ANGPT2: variants seen among roughly 807,000 people sequenced by gnomAD.
ANGPT2 encodes angiopoietin-2.
In ANGPT2, 28 loss-of-function variants were observed where a neutral mutation model predicts 62.9. The ratio of observed to expected loss-of-function variants is 0.44; its 90% CI spans 0.33 to 0.61. The LOEUF (loss-of-function observed/expected upper bound fraction) is 0.61, where lower values mean the gene tolerates loss of function less well. Among genes scored for constraint, ANGPT2 ranks in the 20% least tolerant of loss-of-function variants. The pLI, the probability that ANGPT2 is intolerant of heterozygous loss-of-function variation, is 0.03. For synonymous variants in ANGPT2, 284 were observed against 207.8 expected (o/e 1.37, Z -3.15); for missense variants, 727 against 594.9 (o/e 1.22, Z -2.31).
intron 1 of ANGPT2, among the ~76,000 whole-genome samples, chr8:6,542,560 C>A (rs2515486): frequency 0.18 from 27,930 of 151,670 alleles, 2,694 homozygotes; most frequent in East Asian, 0.27. Context: ...CACCCCATCC[C>A]GCACTCTCAT....
At chr8:6,522,066 T>C (rs1033459921) in intron 3 of ANGPT2, among the ~76,000 whole-genome samples, 12 of 152,238 alleles carry the variant, frequency 7.9e-5, no homozygotes, top group African/African-American at 2.6e-4. Flanking sequence ...TTTTAAAATG[T>C]AAATGCTGGC....
intron 1 of ANGPT2, among the ~76,000 whole-genome samples, chr8:6,546,556 T>C (rs766290647): frequency 6.6e-6 from 1 of 152,130 alleles, no homozygotes; most frequent in Non-Finnish European, 1.5e-5. Flanking sequence ...TAAAACTCAA[T>C]TTATATGTAT....
rs1234898317 is a variant in ANGPT2 at position 6,500,085 on chromosome 8, AT to A, written c.*3015del. ...AGAACTTAACACCTTTTATCAATTT[AT>A]TCGCGAGAACAAATGTGAGAACGTG... On this transcript the variant is annotated 3_prime_UTR_variant, in exon 9 of 9. Coordinates refer to ENST00000629816, the MANE Select transcript of ANGPT2 (RefSeq NM_001118887.2). The A allele has an allele frequency of 7.3e-6, 5 of 682,900 alleles. No individual in the cohort carries two copies. The highest frequency in any genetic ancestry group is 1.3e-5 in the Non-Finnish European group (5 of 382,374). 42.3% of individuals were successfully genotyped at this position (682,900 alleles called of 1,614,324 possible).
chr8:6,503,219 A>G lies in ANGPT2; in HGVS notation c.1370T>C (p.Met457Thr). 1 of 1,614,130 alleles carries G rather than the reference A, an allele frequency of 6.2e-7. No individual in the cohort carries two copies. The highest frequency in any genetic ancestry group is 8.5e-7 in the Non-Finnish European group (1 of 1,180,022). Residue 457 changes from methionine to threonine, a missense_variant, in exon 9 of 9, where the codon ATG becomes ACG. Coordinates refer to ENST00000629816, the MANE Select transcript of ANGPT2 (RefSeq NM_001118887.2). Reference protein sequence around the residue: ...DACGPSNLNGMYYPQRQNTNK... With the variant: ...DACGPSNLNGTYYPQRQNTNK... ...TGTGTTCTGCCTCTGTGGATAGTAC[A>G]TTCCGTTCAAGTTGGAAGGACCACA...
chr8:6,547,021 G>C (rs1258921087), intron 1 of ANGPT2, among the ~76,000 whole-genome samples: 1 of 152,150 alleles, frequency 6.6e-6, no homozygotes, highest in Non-Finnish European at 1.5e-5. Flanking sequence ...CTCGGAAGAA[G>C]CGTTCTCAGA....
intron 8 of ANGPT2, among the ~76,000 whole-genome samples, chr8:6,505,200 A>G (rs1435856204): frequency 8.5e-6 from 1 of 117,662 alleles, no homozygotes; most frequent in Non-Finnish European, 1.7e-5. Context: ...ATTCTTATGT[A>G]TATATAGAAT....
intron 1 of ANGPT2, among the ~76,000 whole-genome samples, chr8:6,537,125 G>A (rs1249323494): frequency 6.6e-6 from 1 of 152,122 alleles, no homozygotes; most frequent in Non-Finnish European, 1.5e-5. Flanking sequence ...CCTCCCGTGG[G>A]AGGGGACCCG....
At position 6,563,184 on chromosome 8, in the gene ANGPT2, G is replaced by A. The variant is rs1473671332; in HGVS notation, c.-250C>T. ...CTGCTCACTTGGGAGGGCTGTGTCA[G>A]CTTTTACAGAGCAGCTTTCACGGTC... On this transcript the variant is annotated 5_prime_UTR_variant, in exon 1 of 9. Transcript: ENST00000629816. The A allele has an allele frequency of 8.6e-6, 3 of 350,254 alleles. No homozygotes were observed. Among genetic ancestry groups the A allele is most frequent in the Non-Finnish European group, 1.6e-5 (3 of 188,104 alleles). The allele number at this position is 350,254 out of a possible 1,614,324, so 21.7% of individuals were successfully genotyped here. A position where few individuals can be genotyped will look rare whatever the true frequency, so the allele number is the denominator to read the frequency against.
intron 5 of ANGPT2, among the ~76,000 whole-genome samples, chr8:6,517,992 C>G (rs1473709872): frequency 6.6e-6 from 1 of 152,136 alleles, no homozygotes; most frequent in East Asian, 1.9e-4. Flanking sequence ...GAATATAAAT[C>G]CTAATGTTTC....
chr8:6,561,024 A>T (rs1403827554), intron 1 of ANGPT2, among the ~76,000 whole-genome samples: 2 of 152,248 alleles, frequency 1.3e-5, no homozygotes, highest in African/African-American at 4.8e-5. Context: ...GATGTGGGAA[A>T]GCCATTAACC....
At position 6,513,818 on chromosome 8, in the gene ANGPT2, A is replaced by G. The variant is rs748165683; in HGVS notation, c.1056T>C (p.Tyr352=). The change falls in exon 7 of 9, where the codon TAT becomes TAC. Residue 352 remains tyrosine (Y), a synonymous_variant. Transcript: ENST00000629816. ...KVGFGNPSGE[Y]WLGNEFVSQL... is the part of the protein sequence containing the mutation. ...GCGAAACAAACTCATTTCCCAGCCA[A>G]TATTCTCCTGAAGGGTTACCAAATC... is the stretch of plus-strand genomic sequence containing the variant. The G allele has an allele frequency of 3.0e-5, 48 of 1,613,430 alleles. No homozygotes were observed. Among genetic ancestry groups the G allele is most frequent in the African/African-American group, 8.0e-5 (6 of 74,896 alleles).
At chr8:6,519,829 G>T in intron 5 of ANGPT2, 35 bp downstream of exon 5, 1 of 1,609,844 alleles carries the variant, frequency 6.2e-7, no homozygotes, top group Non-Finnish European at 8.5e-7. Flanking sequence ...CCTGCCTAGA[G>T]CCAGGGAGTT....
In ANGPT2 at chr8:6,563,001, C is replaced by T. The variant is rs780342117; in HGVS notation, c.-67G>A. ...GCAAACACACGTCCAGAGTCCCGAG[C>T]TGCTGCCGTCTAAAACGCAGGGCTG... On this transcript the variant is annotated 5_prime_UTR_variant, in exon 1 of 9. Coordinates refer to ENST00000629816, the MANE Select transcript of ANGPT2 (RefSeq NM_001118887.2). The T allele has an allele frequency of 9.3e-6, 14 of 1,502,324 alleles. No homozygotes were observed. Among genetic ancestry groups the T allele is most frequent in the East Asian group, 2.3e-5 (1 of 43,212 alleles). 93.1% of individuals were successfully genotyped at this position (1,502,324 alleles called of 1,614,324 possible).
chr8:6,523,953 G>A (rs1312614906), intron 3 of ANGPT2, among the ~76,000 whole-genome samples: 1 of 151,032 alleles, frequency 6.6e-6, no homozygotes, highest in African/African-American at 2.4e-5. Flanking sequence ...ACATTATTCA[G>A]CACCTAAAGA....
At chr8:6,548,829 C>T (rs965746363) in intron 1 of ANGPT2, among the ~76,000 whole-genome samples, 1 of 152,170 alleles carries the variant, frequency 6.6e-6, no homozygotes, top group Non-Finnish European at 1.5e-5. Context: ...AGCAGATAGG[C>T]CCTTGGGTCC....
At chr8:6,523,259 A>T (rs557028306) in intron 3 of ANGPT2, among the ~76,000 whole-genome samples, 24 of 152,272 alleles carry the variant, frequency 1.6e-4, no homozygotes, top group Non-Finnish European at 2.9e-4. Flanking sequence ...TGCCTCCCAA[A>T]GTGCTGGGAT....
intron 1 of ANGPT2, among the ~76,000 whole-genome samples, chr8:6,557,530 AG>A (rs547737606): frequency 8.5e-5 from 13 of 152,290 alleles, no homozygotes; most frequent in African/African-American, 3.1e-4. Context: ...TTCAAGCCAA[AG>A]GAGGATGTAG....
chr8:6,517,313 T>G (rs1308187766), intron 5 of ANGPT2, among the ~76,000 whole-genome samples: 1 of 152,178 alleles, frequency 6.6e-6, no homozygotes, highest in Non-Finnish European at 1.5e-5. Flanking sequence ...AATACTTGAC[T>G]TGCTTCAACT....
intron 7 of ANGPT2, among the ~76,000 whole-genome samples, chr8:6,510,881 T>G (rs1420228818): frequency 6.6e-6 from 1 of 152,204 alleles, no homozygotes; most frequent in African/African-American, 2.4e-5. Flanking sequence ...AGTCTCAGTA[T>G]TTTCCCACAT....
Sources: allele counts gnomAD v4.1 joint callset (sites outside exome capture counted in the v4.1 genomes callset), GRCh38; gene constraint gnomAD v4.1.1; transcripts MANE v1.5; gene names NCBI Gene and HGNC (gene_info 2026-07-23, HGNC 2026-07-21).